Variants in TBXAS1 observed in about 807,000 individuals in gnomAD.
The protein encoded by TBXAS1 is thromboxane A synthase 1.
In TBXAS1, 48 loss-of-function variants were observed where a neutral mutation model predicts 60.7. That is an observed-to-expected ratio of 0.79 (90% confidence interval 0.63 to 1.01). The LOEUF is 1.01. Among genes scored for constraint, TBXAS1 ranks in the 50% least tolerant of loss-of-function variants. The pLI is 0.00. For missense variants in TBXAS1, 685 were observed against 686.3 expected (o/e 1.00, Z 0.02); for synonymous variants, 287 against 269.7 (o/e 1.06, Z -0.63).
upstream of TBXAS1, among the ~76,000 whole-genome samples, chr7:139,825,383 T>A (rs139104367): frequency 1.5e-3 from 233 of 152,314 alleles, 1 homozygote; most frequent in African/African-American, 5.4e-3. Context: ...TCACAGAGTA[T>A]TGTCTCCACT....
upstream of TBXAS1, among the ~76,000 whole-genome samples, chr7:139,826,905 C>T (rs1216366523): frequency 2.6e-5 from 4 of 152,134 alleles, no homozygotes; most frequent in East Asian, 7.7e-4. Context: ...CCCAACAATA[C>T]CTCACCTTTC....
Position 140,017,573 on chromosome 7 carries a change from T to A in TBXAS1, c.1365-98T>A. ...ATCAGCTCCCAGAGCCTTGGAGACA[T>A]CCTTGTCTCAGATGCAGGGGTGGCT... On this transcript the variant is annotated intron_variant, in intron 11 of 12. Transcript: ENST00000448866. 3 of 1,511,862 alleles carry A rather than the reference T, an allele frequency of 2.0e-6. No individual in the cohort carries two copies. In the South Asian group the frequency reaches 3.6e-5, roughly 18 times the overall value. The allele number at this position is 1,511,862 out of a possible 1,614,324, so 93.7% of individuals were successfully genotyped here.
At chr7:139,861,854 G>A (rs1321856825) in intron 1 of TBXAS1, among the ~76,000 whole-genome samples, 2 of 152,122 alleles carry the variant, frequency 1.3e-5, no homozygotes, top group African/African-American at 4.8e-5. Flanking sequence ...GGGATCCAGG[G>A]GAATATTGGT....
chr7:140,018,953 G>A (rs774709238), intron 12 of TBXAS1, among the ~76,000 whole-genome samples: 12 of 152,198 alleles, frequency 7.9e-5, no homozygotes, highest in East Asian at 1.9e-4. Flanking sequence ...ATCTGGCTAC[G>A]TCTCTGCACA....
chr7:139,792,189 TATATTG>T (rs1445399567), intron 4 of TBXAS1, among the ~76,000 whole-genome samples: 9 of 152,216 alleles, frequency 5.9e-5, no homozygotes, highest in Admixed American at 4.6e-4. Flanking sequence ...TCTAAATCAA[TATATTG>T]ATATTCTGAT....
intron 4 of TBXAS1, among the ~76,000 whole-genome samples, chr7:139,814,625 G>A (rs981252448): frequency 6.6e-6 from 1 of 152,130 alleles, no homozygotes; most frequent in African/African-American, 2.4e-5. Flanking sequence ...GGGCCTTGGG[G>A]AAATATGACA....
intron 9 of TBXAS1, among the ~76,000 whole-genome samples, chr7:139,988,973 C>T (rs944845490): frequency 1.3e-5 from 2 of 152,162 alleles, no homozygotes; most frequent in Non-Finnish European, 2.9e-5. Context: ...GCTGTCTGTG[C>T]CCGGGCAGGG....
intron 10 of TBXAS1, among the ~76,000 whole-genome samples, chr7:140,008,045 C>A (rs1346740075): frequency 6.6e-6 from 1 of 152,172 alleles, no homozygotes; most frequent in East Asian, 1.9e-4. Context: ...AGAAGCAGCA[C>A]AAAGCATTAA....
chr7:139,795,780 T>G (rs1426405094), intron 4 of TBXAS1, among the ~76,000 whole-genome samples: 1 of 152,056 alleles, frequency 6.6e-6, no homozygotes, highest in Non-Finnish European at 1.5e-5. Flanking sequence ...CCACCCCGCC[T>G]CCCTTTCACA....
chr7:139,957,168 A>G (rs1206436069), intron 7 of TBXAS1, among the ~76,000 whole-genome samples: 2 of 152,250 alleles, frequency 1.3e-5, no homozygotes, highest in African/African-American at 4.8e-5. Context: ...AGCTCTTGGG[A>G]GCAATTCAGG....
chr7:139,894,227 C>A (rs1261602701), intron 3 of TBXAS1, among the ~76,000 whole-genome samples: 1 of 152,156 alleles, frequency 6.6e-6, no homozygotes, highest in Non-Finnish European at 1.5e-5. Context: ...TTGCTGCAGA[C>A]CCAGTCCTTT....
In TBXAS1 at chr7:139,976,721, C is replaced by G. The variant is rs530874736; in HGVS notation, c.1134+14488C>G. Among the ~76,000 whole-genome samples, 10 of 152,208 alleles carry G rather than the reference C, an allele frequency of 6.6e-5. No homozygotes were observed. In the South Asian group the frequency reaches 1.9e-3, roughly 28 times the overall value. On this transcript the variant is annotated intron_variant, in intron 9 of 12. Transcript: ENST00000448866. ...TCGATTTAGTGGGTCTGGAGTGAGG[C>G]CTGGGCTTCTTAGAAGCCCCAGCGG...
intron 1 of TBXAS1, among the ~76,000 whole-genome samples, chr7:139,847,311 G>A (rs944514629): frequency 6.6e-6 from 1 of 152,158 alleles, no homozygotes. Flanking sequence ...CCTTGGACTT[G>A]AGAACTTGAA....
intron 4 of TBXAS1, chr7:139,787,505 A>T (rs1797236649): frequency 6.6e-6 from 1 of 152,234 alleles, no homozygotes; most frequent in Admixed American, 6.5e-5. Flanking sequence ...TCTGGATGTT[A>T]AGTCCTGTGT....
chr7:139,838,820 G>A (rs969225521), intron 1 of TBXAS1, among the ~76,000 whole-genome samples: 1 of 152,182 alleles, frequency 6.6e-6, no homozygotes, highest in Non-Finnish European at 1.5e-5. Flanking sequence ...GGGGATCAGG[G>A]CTGCACCACC....
chr7:139,811,575 G>T (rs1177986607), intron 4 of TBXAS1, among the ~76,000 whole-genome samples: 1 of 152,182 alleles, frequency 6.6e-6, no homozygotes, highest in Non-Finnish European at 1.5e-5. Context: ...CTTCTGGAAG[G>T]AAAGTCTAAC....
At chr7:139,924,959 TCA>T (rs1326795106) in intron 4 of TBXAS1, among the ~76,000 whole-genome samples, 1 of 152,210 alleles carries the variant, frequency 6.6e-6, no homozygotes, top group Non-Finnish European at 1.5e-5. Context: ...GAAAATGAGT[TCA>T]CTGTAGATGT....
intron 9 of TBXAS1, among the ~76,000 whole-genome samples, chr7:139,991,599 T>G (rs762776663): frequency 6.6e-6 from 1 of 151,696 alleles, no homozygotes; most frequent in Non-Finnish European, 1.5e-5. Context: ...TTAGAAAGAG[T>G]CAGTGTTGAT....
At chr7:139,875,170 A>C (rs1412885429) in intron 2 of TBXAS1, among the ~76,000 whole-genome samples, 1 of 152,230 alleles carries the variant, frequency 6.6e-6, no homozygotes, top group African/African-American at 2.4e-5. Flanking sequence ...TGTTGAATTT[A>C]ATTAAAGTTT....
Sources: gnomAD v4.1 joint callset for allele counts (sites outside exome capture counted in the v4.1 genomes callset) on GRCh38, gnomAD v4.1.1 for gene constraint, MANE v1.5 for transcripts, NCBI Gene and HGNC (gene_info 2026-07-23, HGNC 2026-07-21) for gene names.